TNFAIP8: variants seen among roughly 807,000 people sequenced by gnomAD.
The protein encoded by TNFAIP8 is tumor necrosis factor alpha-induced protein 8.
A neutral mutation model predicts 13.3 loss-of-function variants in TNFAIP8; 7 were observed. That is an observed-to-expected ratio of 0.52 (90% CI 0.30 to 0.99). The LOEUF is 0.99. TNFAIP8 is among the 50% of genes least tolerant of loss of function. The pLI is 0.07. For synonymous variants in TNFAIP8, 94 were observed against 87.6 expected (o/e 1.07, Z -0.41); for missense variants, 258 against 236.9 (o/e 1.09, Z -0.58).
chr5:119,312,076 C>G (rs1749749331), intron 1 of TNFAIP8, among the ~76,000 whole-genome samples: 1 of 152,036 alleles, frequency 6.6e-6, no homozygotes, highest in African/African-American at 2.4e-5. Context: ...ATAATATGGT[C>G]CTGTTTAAGT....
At chr5:119,356,474 C>T (rs2112775047) in intron 1 of TNFAIP8, among the ~76,000 whole-genome samples, 1 of 152,186 alleles carries the variant, frequency 6.6e-6, no homozygotes, top group East Asian at 1.9e-4. Flanking sequence ...AGACTGAAAG[C>T]GGGATCCCTG....
chr5:119,364,901 G>T (rs1188195124), intron 1 of TNFAIP8, among the ~76,000 whole-genome samples: 2 of 135,748 alleles, frequency 1.5e-5, no homozygotes, highest in Non-Finnish European at 3.1e-5. Flanking sequence ...GCCCATGCTG[G>T]AGTGCAGTGG....
intron 1 of TNFAIP8, among the ~76,000 whole-genome samples, chr5:119,304,970 G>A (rs1224460008): frequency 6.6e-6 from 1 of 152,192 alleles, no homozygotes; most frequent in Non-Finnish European, 1.5e-5. Flanking sequence ...ATGAGTCAGT[G>A]TAATCTGCAT....
At chr5:119,339,650 C>T (rs974156741) in intron 1 of TNFAIP8, among the ~76,000 whole-genome samples, 18 of 151,438 alleles carry the variant, frequency 1.2e-4, no homozygotes, top group African/African-American at 3.6e-4. Flanking sequence ...TCTCAGAGGT[C>T]GATAAAGCAT....
At chr5:119,329,026 G>T (rs1750300843) in intron 1 of TNFAIP8, among the ~76,000 whole-genome samples, 1 of 152,214 alleles carries the variant, frequency 6.6e-6, no homozygotes, top group Non-Finnish European at 1.5e-5. Context: ...AGAGAGACTT[G>T]AGCATGAATC....
intron 1 of TNFAIP8, among the ~76,000 whole-genome samples, chr5:119,341,073 T>C (rs1750720825): frequency 6.8e-6 from 1 of 148,040 alleles, no homozygotes; most frequent in Non-Finnish European, 1.5e-5. Context: ...TTCACTGGTG[T>C]TTTTGGTCTC....
chr5:119,281,430 A>T (rs956943483), intron 1 of TNFAIP8, among the ~76,000 whole-genome samples: 1 of 152,192 alleles, frequency 6.6e-6, no homozygotes, highest in African/African-American at 2.4e-5. Context: ...AACCTCTTAT[A>T]TATTACATTT....
intron 1 of TNFAIP8, among the ~76,000 whole-genome samples, chr5:119,275,925 C>A (rs1030959762): frequency 6.6e-6 from 1 of 152,022 alleles, no homozygotes; most frequent in Non-Finnish European, 1.5e-5. Context: ...AGCCATCCCC[C>A]AGGTTTGCTG....
intron 1 of TNFAIP8, among the ~76,000 whole-genome samples, chr5:119,339,770 C>G (rs1032722088): frequency 2.3e-4 from 35 of 152,140 alleles, no homozygotes; most frequent in African/African-American, 7.7e-4. Context: ...CGATAAAACA[C>G]TGAAGTCCAA....
intron 1 of TNFAIP8, among the ~76,000 whole-genome samples, chr5:119,363,929 A>T (rs1184601158): frequency 6.6e-6 from 1 of 152,170 alleles, no homozygotes; most frequent in Non-Finnish European, 1.5e-5. Context: ...AGCTCATGAA[A>T]CTCAGGGAAA....
intron 1 of TNFAIP8, among the ~76,000 whole-genome samples, chr5:119,349,115 C>T (rs960770158): frequency 1.3e-5 from 2 of 152,138 alleles, no homozygotes; most frequent in African/African-American, 4.8e-5. Context: ...TCCATTTTGA[C>T]CCCATTCACC....
chr5:119,276,143 A>G (rs1369259649), intron 1 of TNFAIP8, among the ~76,000 whole-genome samples: 5 of 149,556 alleles, frequency 3.3e-5, no homozygotes, highest in Non-Finnish European at 5.9e-5. Context: ...TTTGAGTTGG[A>G]GTCTTGCTCT....
intron 1 of TNFAIP8, 34 bp from the exon 2 acceptor site, chr5:119,392,782 T>G (rs1178102803): frequency 1.1e-5 from 17 of 1,495,020 alleles, no homozygotes; most frequent in East Asian, 2.5e-5. Context: ...ATTTACTAAT[T>G]GTTAATTCTT....
intron 1 of TNFAIP8, among the ~76,000 whole-genome samples, chr5:119,364,596 C>T (rs1366761178): frequency 6.6e-6 from 1 of 152,144 alleles, no homozygotes; most frequent in Non-Finnish European, 1.5e-5. Context: ...AGTCCTCCCA[C>T]CTTGGCCTAC....
At chr5:119,297,876 CTT>C (rs1469495324) in intron 1 of TNFAIP8, among the ~76,000 whole-genome samples, 3 of 152,100 alleles carry the variant, frequency 2.0e-5, no homozygotes, top group Non-Finnish European at 4.4e-5. Context: ...TTCTTTGTCT[CTT>C]TTGATCTTTG....
chr5:119,325,771 C>A (rs1750207032), intron 1 of TNFAIP8, among the ~76,000 whole-genome samples: 1 of 152,196 alleles, frequency 6.6e-6, no homozygotes, highest in African/African-American at 2.4e-5. Flanking sequence ...TTACAGCTTT[C>A]CTCCCCTTGC....
intron 1 of TNFAIP8, chr5:119,333,098 T>A (rs994206168): frequency 2.7e-6 from 2 of 753,442 alleles, no homozygotes; most frequent in African/African-American, 1.9e-5. Context: ...TCTCCCTTTT[T>A]TTTAGTTTTT....
intron 1 of TNFAIP8, among the ~76,000 whole-genome samples, chr5:119,288,987 A>G (rs1748901046): frequency 6.6e-6 from 1 of 152,228 alleles, no homozygotes; most frequent in Non-Finnish European, 1.5e-5. Context: ...TCCTTTTTAC[A>G]GTGAGAACCA....
At chr5:119,356,398 A>G (rs1327420482) in intron 1 of TNFAIP8, among the ~76,000 whole-genome samples, 1 of 151,972 alleles carries the variant, frequency 6.6e-6, no homozygotes, top group Non-Finnish European at 1.5e-5. Flanking sequence ...TGGAAACGAA[A>G]GAGCCCCACT....
Sources: gnomAD v4.1 joint callset for allele counts (sites outside exome capture counted in the v4.1 genomes callset) on GRCh38, gnomAD v4.1.1 for gene constraint, MANE v1.5 for transcripts, NCBI Gene and HGNC (gene_info 2026-07-23, HGNC 2026-07-21) for gene names.